The following VWF variants were observed in gnomAD, a reference collection of about 807,000 sequenced individuals.
The protein encoded by VWF is Factor VIII related antigen.
A neutral mutation model predicts 308.6 loss-of-function variants in VWF; 176 were observed. The observed-to-expected ratio is 0.57, with a 90% CI of 0.50 to 0.65. The LOEUF (loss-of-function observed/expected upper bound fraction) is 0.65, where lower values mean the gene tolerates loss of function less well. Among genes scored for constraint, VWF ranks in the 30% least tolerant of loss-of-function variants. VWF has a pLI of 0.00. For synonymous variants in VWF, 1,385 were observed against 1,443.4 expected, an observed-to-expected ratio of 0.96 and a Z score of 0.92; for missense variants, 3,146 against 3,648.2, an observed-to-expected ratio of 0.86 and a Z score of 3.55.
At chr12:5,988,030 G>A (rs78939056) in intron 38 of VWF, among the ~76,000 whole-genome samples, 1,793 of 152,284 alleles carry the variant, frequency 0.012, 44 homozygotes, top group African/African-American at 0.04. Flanking sequence ...TAAAAGAGCA[G>A]TAAGAGTGCA....
At chr12:6,103,470 A>ATATGTGTATATACACATATG (rs1945202723) in intron 5 of VWF, among the ~76,000 whole-genome samples, 4 of 122,860 alleles carry the variant, frequency 3.3e-5, no homozygotes, top group Admixed American at 2.2e-4. Context: ...ATATACACAT[A>ATATGTGTATATACACATATG]TGTGTGTATA....
At position 5,985,617 on chromosome 12, in the gene VWF, A is replaced by G. The variant is rs2136376158; in HGVS notation, c.6847T>C (p.Cys2283Arg). ...CAGTTGACCTTCCGCCCGCTGAGGC[A>G]TGTGCAGATCTGACAGGGCTGGTGG... ...PDHQPCQICT[C>R]LSGRKVNCTT... The change falls in exon 39 of 52, where the codon TGC (cysteine) becomes CGC (arginine). Residue 2283 changes from cysteine to arginine, a missense_variant. Physicochemically the swap from Cys to Arg is radical, Grantham distance 180 (BLOSUM62 -3). Transcript: ENST00000261405. The G allele has an allele frequency of 6.2e-7, 1 of 1,614,174 alleles. No homozygotes were observed. The highest frequency in any genetic ancestry group is 8.5e-7 in the Non-Finnish European group (1 of 1,180,036).
Position 6,058,932 on chromosome 12 carries a change from G to A in VWF, c.1534-888C>T, listed in dbSNP as rs996520775. Among the ~76,000 whole-genome samples the A allele has an allele frequency of 2.0e-5, 3 of 152,172 alleles. No homozygotes were observed. Among genetic ancestry groups the A allele is most frequent in the Non-Finnish European group, 4.4e-5 (3 of 68,026 alleles). ...CCGATTTGAAGGTGGAGCGGGGGCT[G>A]GGACCCAGGAGTCCTGACTCCCTCT... On this transcript the variant is annotated intron_variant, in intron 13 of 51. Transcript: ENST00000261405. The surrounding 1 kb of genome is among the most constrained non-coding windows in gnomAD (Gnocchi z 4.9).
At chr12:5,951,761 T>C in intron 50 of VWF, 83 bp downstream of exon 50, 1 of 1,454,762 alleles carries the variant, frequency 6.9e-7, no homozygotes, top group Non-Finnish European at 9.7e-7. Context: ...GGCTTGCTAA[T>C]GGGTTTCAAG....
At chr12:6,092,624 T>TCAGAGAGAGAGAGAGA (rs1945058021) in intron 6 of VWF, among the ~76,000 whole-genome samples, 1 of 87,014 alleles carries the variant, frequency 1.1e-5, no homozygotes, top group African/African-American at 6.4e-5. Flanking sequence ...TGAGAGTGTG[T>TCAGAGAGAGAGAGAGA]GTGTGTGTGT....
chr12:5,984,856 C>A (rs189365348), intron 40 of VWF, among the ~76,000 whole-genome samples, 189 bp downstream of exon 40: 46 of 152,364 alleles, frequency 3.0e-4, no homozygotes, highest in Middle Eastern at 3.4e-3. Flanking sequence ...ACAGTAGATT[C>A]TTCTAGGAAG....
chr12:6,038,784 T>C (rs1944366161), intron 18 of VWF, among the ~76,000 whole-genome samples: 1 of 152,146 alleles, frequency 6.6e-6, no homozygotes, highest in Admixed American at 6.5e-5. Flanking sequence ...AAGGCCACAG[T>C]GGTGTGGAGT....
chr12:6,090,857 C>T (rs1018281144), intron 6 of VWF, among the ~76,000 whole-genome samples: 3 of 152,202 alleles, frequency 2.0e-5, no homozygotes, highest in Non-Finnish European at 2.9e-5. Flanking sequence ...ACCACGCTCA[C>T]GCCGAGGCCC....
At chr12:5,984,992 C>T (rs1943661180) in intron 40 of VWF, 53 bp downstream of exon 40, 4 of 1,581,098 alleles carry the variant, frequency 2.5e-6, no homozygotes, top group East Asian at 2.2e-5. Flanking sequence ...CAACGTGGTG[C>T]CCCCTGGGGC....
chr12:6,103,382 A>ACACG (rs1171397116), intron 5 of VWF, among the ~76,000 whole-genome samples: 1 of 125,422 alleles, frequency 8.0e-6, no homozygotes, highest in African/African-American at 3.2e-5. Flanking sequence ...GTGTGTGTAT[A>ACACG]CACGTGTGTG....
chr12:6,108,264 G>A (rs371465952), intron 5 of VWF, among the ~76,000 whole-genome samples: 2 of 148,320 alleles, frequency 1.3e-5, no homozygotes, highest in South Asian at 2.1e-4. Flanking sequence ...ACTGCAATCC[G>A]GCCTGGGTGA....
chr12:5,980,300 G>T (rs1444782304), intron 42 of VWF, among the ~76,000 whole-genome samples: 2 of 147,986 alleles, frequency 1.4e-5, no homozygotes, highest in Non-Finnish European at 3.0e-5. Context: ...TGTGCCTCTG[G>T]GTGTGATGCA....
At chr12:6,123,968 G>A (rs1349329089) in intron 1 of VWF, among the ~76,000 whole-genome samples, 1 of 152,150 alleles carries the variant, frequency 6.6e-6, no homozygotes, top group African/African-American at 2.4e-5. Flanking sequence ...TCTGCTGCCT[G>A]AGATTCACTG....
rs766910271 is a variant in VWF, at chr12:6,018,932, C to T, written c.4486G>A (p.Val1496Ile). The change falls in exon 28 of 52, where the codon GTT becomes ATT. Residue 1496 changes from valine (V) to isoleucine (I), a missense_variant. Val to Ile is a conservative substitution (Grantham distance 29). Coordinates refer to ENST00000261405, the MANE Select transcript of VWF (RefSeq NM_000552.5). ...TCCAGGACGAACGCCACATCCAGAA[C>T]CATGGAGTTCCTCTTGGGCCCCAGG... ...STLGPKRNSM[V>I]LDVAFVLEGS... The T allele has an allele frequency of 1.8e-5, 29 of 1,613,858 alleles. No individual in the cohort carries two copies. The South Asian group carries it at 3.0e-4, about 16-fold the overall frequency.
rs11064014 is a variant in VWF, at chr12:6,066,325, G to A, written c.1157-1052C>T. Reference sequence around the variant, plus strand: ...CATGGACCCATCAAAGCTGAAAAGGGCATCTGGATCCCTTCCCAACCTGCC... The same window carrying A: ...CATGGACCCATCAAAGCTGAAAAGGACATCTGGATCCCTTCCCAACCTGCC... On this transcript the variant is annotated intron_variant, in intron 10 of 51. Coordinates refer to ENST00000261405, the MANE Select transcript of VWF (RefSeq NM_000552.5). 6.9e-3 allele frequency among the ~76,000 whole-genome samples: 1,048 copies of A among 152,302 alleles called. 7 individuals are homozygous for A. Among genetic ancestry groups the A allele is most frequent in the African/African-American group, 0.022 (923 of 41,556 alleles).
intron 47 of VWF, among the ~76,000 whole-genome samples, chr12:5,966,912 CG>C (rs1323390337): frequency 2.6e-5 from 4 of 152,242 alleles, no homozygotes; most frequent in African/African-American, 9.6e-5. Context: ...CTGAAACCCA[CG>C]GAATGCCAGT....
chr12:5,949,268 C>T (rs1165915095), intron 51 of VWF, 65 bp from the exon 52 acceptor site: 7 of 1,543,962 alleles, frequency 4.5e-6, no homozygotes, highest in Non-Finnish European at 5.3e-6. Context: ...AGGCAGGGCT[C>T]TGGGGCAGCC....
intron 6 of VWF, among the ~76,000 whole-genome samples, chr12:6,088,917 G>A (rs1945002835): frequency 6.6e-6 from 1 of 152,190 alleles, no homozygotes; most frequent in African/African-American, 2.4e-5. Context: ...TCATTCCCTA[G>A]GTATAACTAA....
At chr12:5,990,890 AAAAAAAAAAAAAAAAAAAT>A (rs1403989802) in intron 38 of VWF, among the ~76,000 whole-genome samples, 8,251 of 136,722 alleles carry the variant, frequency 0.06, 815 homozygotes, top group East Asian at 0.21. Context: ...AAAAAAAAAA[AAAAAAAAAAAAAAAAAAAT>A]TTTGATGACT....
Sources: gnomAD v4.1 joint callset for allele counts (sites outside exome capture counted in the v4.1 genomes callset) on GRCh38, gnomAD v4.1.1 for gene constraint, Gnocchi (gnomAD v3.1) non-coding constraint, MANE v1.5 for transcripts, NCBI Gene and HGNC (gene_info 2026-07-23, HGNC 2026-07-21) for gene names.